The following SEMA6D variants were observed in gnomAD, a reference collection of about 807,000 sequenced individuals.
The protein encoded by SEMA6D is semaphorin-6D.
Under a neutral mutation model 106.6 loss-of-function variants are expected in SEMA6D, and 35 were observed. That is an observed-to-expected ratio of 0.33 (90% CI 0.25 to 0.44). The LOEUF is 0.44. Among genes scored for constraint, SEMA6D ranks in the 20% least tolerant of loss-of-function variants. The pLI is 1.00. For synonymous variants in SEMA6D, 499 were observed against 487.7 expected (o/e 1.02, Z -0.31); for missense variants, 1,185 against 1,345.9 (o/e 0.88, Z 1.87).
At chr15:47,312,006 G>A (rs1454590180) in intron 1 of SEMA6D, among the ~76,000 whole-genome samples, 1 of 152,108 alleles carries the variant, frequency 6.6e-6, no homozygotes, top group Non-Finnish European at 1.5e-5. Context: ...TATTAGCTAG[G>A]GCAGAGGCAA....
At chr15:47,208,388 A>C (rs938271029) in intron 1 of SEMA6D, among the ~76,000 whole-genome samples, 8 of 152,194 alleles carry the variant, frequency 5.3e-5, no homozygotes, top group African/African-American at 1.9e-4. Context: ...TTAGTCCTCT[A>C]TATTAAATAA....
At chr15:47,343,430 C>T (rs899134606) in intron 1 of SEMA6D, among the ~76,000 whole-genome samples, 26 of 151,578 alleles carry the variant, frequency 1.7e-4, no homozygotes, top group African/African-American at 6.3e-4. Flanking sequence ...CAACAGTCCC[C>T]AGTGTGTGAT....
chr15:47,388,360 C>A (rs757749273), intron 1 of SEMA6D, among the ~76,000 whole-genome samples: 1 of 152,002 alleles, frequency 6.6e-6, no homozygotes, highest in Non-Finnish European at 1.5e-5. Flanking sequence ...GGCCACAGTC[C>A]AAAAATATGA....
At chr15:47,252,174 C>G (rs1054080870) in intron 1 of SEMA6D, among the ~76,000 whole-genome samples, 2 of 145,394 alleles carry the variant, frequency 1.4e-5, no homozygotes, top group African/African-American at 5.2e-5. Context: ...GCCTCGGCCT[C>G]CCAAAGTGCT....
chr15:47,581,291 G>C, intron 3 of SEMA6D: 1 of 479,518 alleles, frequency 2.1e-6, no homozygotes, highest in Non-Finnish European at 4.1e-6. Context: ...GGTTTACATT[G>C]TGCAATTTCA....
At chr15:47,224,434 T>C (rs2141418213) in intron 1 of SEMA6D, among the ~76,000 whole-genome samples, 1 of 152,214 alleles carries the variant, frequency 6.6e-6, no homozygotes, top group Middle Eastern at 3.4e-3. Context: ...TTTCATATAA[T>C]AGCTAACTTA....
At chr15:47,396,133 C>T (rs1008984122) in intron 1 of SEMA6D, among the ~76,000 whole-genome samples, 2 of 152,092 alleles carry the variant, frequency 1.3e-5, no homozygotes, top group African/African-American at 4.8e-5. Context: ...CTCACCAAAA[C>T]CCGACCGTGC....
At chr15:47,256,676 T>C (rs548559560) in intron 1 of SEMA6D, among the ~76,000 whole-genome samples, 13 of 151,988 alleles carry the variant, frequency 8.6e-5, no homozygotes, top group Non-Finnish European at 1.6e-4. Flanking sequence ...CTGACCAACA[T>C]GGTGAAACCC....
intron 3 of SEMA6D, among the ~76,000 whole-genome samples, chr15:47,494,400 G>A (rs550955666): frequency 6.6e-6 from 1 of 152,074 alleles, no homozygotes; most frequent in Admixed American, 6.6e-5. Context: ...AACAGCTGAT[G>A]AAGAATCACA....
intron 13 of SEMA6D, 81 bp downstream of exon 13, chr15:47,765,137 T>C: frequency 6.5e-7 from 1 of 1,542,030 alleles, no homozygotes. Flanking sequence ...GTCCTTTTGG[T>C]CCTCTAAATT....
intron 3 of SEMA6D, among the ~76,000 whole-genome samples, chr15:47,578,278 C>T (rs1384738045): frequency 6.6e-6 from 1 of 152,188 alleles, no homozygotes; most frequent in Non-Finnish European, 1.5e-5. Flanking sequence ...AATAAAATTA[C>T]ACTGCATAAA....
intron 1 of SEMA6D, among the ~76,000 whole-genome samples, chr15:47,737,139 G>A (rs1181970011): frequency 6.6e-6 from 1 of 152,188 alleles, no homozygotes. Context: ...TGCTAATTTA[G>A]CTGAAATCTC....
At chr15:47,272,043 G>A (rs978511185) in intron 1 of SEMA6D, among the ~76,000 whole-genome samples, 2 of 152,132 alleles carry the variant, frequency 1.3e-5, no homozygotes, top group African/African-American at 4.8e-5. Flanking sequence ...GCCTTCTTCA[G>A]ATCCCAAGTA....
chr15:47,414,916 A>T (rs1049605768), intron 2 of SEMA6D, among the ~76,000 whole-genome samples: 1 of 152,176 alleles, frequency 6.6e-6, no homozygotes, highest in African/African-American at 2.4e-5. Flanking sequence ...GATTTTAAAT[A>T]GTCTCTTAAA....
chr15:47,711,059 C>T (rs2079007710), intron 4 of SEMA6D, among the ~76,000 whole-genome samples: 2 of 151,928 alleles, frequency 1.3e-5, no homozygotes, highest in Non-Finnish European at 2.9e-5. Context: ...CCTGTAATCC[C>T]AGCACTTTGG....
intron 13 of SEMA6D, 63 bp downstream of exon 13, chr15:47,765,119 C>G (rs1256771991): frequency 1.3e-6 from 2 of 1,579,096 alleles, no homozygotes; most frequent in African/African-American, 1.4e-5. Flanking sequence ...TGTATTTCAT[C>G]TAGTCATGTC....
chr15:47,584,718 TG>T (rs1207692916), intron 3 of SEMA6D, among the ~76,000 whole-genome samples: 1 of 152,198 alleles, frequency 6.6e-6, no homozygotes, highest in Non-Finnish European at 1.5e-5. Context: ...TTTAAACCTC[TG>T]GGGCCTCTCT....
At chr15:47,380,621 A>C (rs2039608358) in intron 1 of SEMA6D, 1 of 152,224 alleles carries the variant, frequency 6.6e-6, no homozygotes, top group Admixed American at 6.5e-5. Flanking sequence ...CCACATAAGC[A>C]GATTTAGGAA....
chr15:47,235,299 C>T (rs1324997523), intron 1 of SEMA6D, among the ~76,000 whole-genome samples: 1 of 151,892 alleles, frequency 6.6e-6, no homozygotes, highest in Non-Finnish European at 1.5e-5. Flanking sequence ...TGTCTGTTTA[C>T]TCTGATGATT....
Sources: gnomAD v4.1 joint callset for allele counts (sites outside exome capture counted in the v4.1 genomes callset) on GRCh38, gnomAD v4.1.1 for gene constraint, MANE v1.5 for transcripts, NCBI Gene and HGNC (gene_info 2026-07-23, HGNC 2026-07-21) for gene names.